DNAH11: variants seen among roughly 807,000 people sequenced by gnomAD.
DNAH11 encodes axonemal beta dynein heavy chain 11.
Under a neutral mutation model 526.0 loss-of-function variants are expected in DNAH11, and 442 were observed. The observed-to-expected ratio is 0.84, with a 90% CI of 0.78 to 0.91. DNAH11 has a LOEUF of 0.91. Ranked by LOEUF, DNAH11 falls within the 40% of genes least tolerant of loss-of-function variation. The probability of loss-of-function intolerance (pLI) is 0.00; values close to 1 mark genes in which losing one functional copy is unlikely to be tolerated. For synonymous variants in DNAH11, 2,461 were observed against 1,935.9 expected (o/e 1.27, Z -7.12); for missense variants, 6,989 against 5,448.7 (o/e 1.28, Z -8.90).
Position 21,868,865 on chromosome 7 carries a change from C to G in DNAH11, c.11841C>G (p.Gly3947=). The change falls in exon 73 of 82, where the codon GGC becomes GGG. Residue 3947 remains glycine (G), a splice_region_variant and synonymous_variant. Transcript: ENST00000409508. ...VDALKDLEIL[G]KRLGFTIDSG... ...TCACCGTGGTGTATTCTCCCACAGG[C>G]AAAAGACTTGGCTTTACAATTGACT... 1 of 1,613,952 alleles carries G rather than the reference C, an allele frequency of 6.2e-7. No individual in the cohort carries two copies. Among genetic ancestry groups the G allele is most frequent in the Non-Finnish European group, 8.5e-7 (1 of 1,179,860 alleles).
At chr7:21,761,549 T>A (rs986479122) in intron 54 of DNAH11, among the ~76,000 whole-genome samples, 2 of 152,198 alleles carry the variant, frequency 1.3e-5, no homozygotes, top group Admixed American at 1.3e-4. Flanking sequence ...ACTGTGGGTG[T>A]CAGAATCACC....
intron 35 of DNAH11, among the ~76,000 whole-genome samples, chr7:21,692,221 A>G (rs1783661477): frequency 2.0e-5 from 3 of 152,220 alleles, no homozygotes; most frequent in Admixed American, 2.0e-4. Context: ...ATACCAGGTG[A>G]TAGTAAAAAC....
intron 40 of DNAH11, among the ~76,000 whole-genome samples, chr7:21,709,546 A>G (rs1463625989): frequency 6.6e-6 from 1 of 152,192 alleles, no homozygotes; most frequent in East Asian, 1.9e-4. Context: ...CCATGCAACA[A>G]ACCTGCATGT....
intron 54 of DNAH11, among the ~76,000 whole-genome samples, chr7:21,757,490 G>T (rs554083207): frequency 3.3e-5 from 5 of 152,066 alleles, no homozygotes; most frequent in African/African-American, 1.2e-4. Context: ...TTTCCTTCCA[G>T]CCTTTTGAGA....
rs1227081919 is a variant in DNAH11 at position 21,683,816 on chromosome 7, T to G, written c.5493T>G (p.Ser1831=). 1 of 1,611,576 alleles carries G rather than the reference T, an allele frequency of 6.2e-7. No homozygotes were observed. Among genetic ancestry groups the G allele is most frequent in the Admixed American group, 1.7e-5 (1 of 59,806 alleles). ...VVSPQAFTWL[S]QLRHRWEDTQ... ...GTCCCCAAGCTTTTACATGGCTGTC[T>G]CAACTTCGTCACCGATGGGAGGATA... Residue 1831 remains serine, a synonymous_variant, in exon 32 of 82, where the codon TCT becomes TCG. Transcript: ENST00000409508.
Position 21,750,314 on chromosome 7 carries a change from A to G in DNAH11, c.8890A>G (p.Arg2964Gly). Residue 2964 changes from arginine (R) to glycine (G), a missense_variant, in exon 54 of 82, where the codon AGG becomes GGG. Physicochemically the swap from Arg to Gly is moderately radical, Grantham distance 125. Coordinates refer to ENST00000409508, the MANE Select transcript of DNAH11 (RefSeq NM_001277115.2). ...EVHALGMVDSRENCWKFFMAR... is the reference protein window; with the variant it reads ...EVHALGMVDSGENCWKFFMAR... ...TCATGCTCTGGGCATGGTAGACTCC[A>G]GGGAAAACTGTTGGAAATTCTTTAT... 1 of 1,605,868 alleles carries G rather than the reference A, an allele frequency of 6.2e-7. No homozygotes were observed. Among genetic ancestry groups the G allele is most frequent in the Non-Finnish European group, 8.5e-7 (1 of 1,176,022 alleles).
At chr7:21,773,684 AATG>A in intron 55 of DNAH11, 79 bp from the exon 56 acceptor site, 1 of 1,046,176 alleles carries the variant, frequency 9.6e-7, no homozygotes, top group Non-Finnish European at 1.3e-6. Flanking sequence ...TTAGAAAAAA[AATG>A]ATCATTTACT....
intron 46 of DNAH11, among the ~76,000 whole-genome samples, chr7:21,737,986 A>C (rs1785690814): frequency 6.6e-6 from 1 of 152,170 alleles, no homozygotes; most frequent in South Asian, 2.1e-4. Context: ...TCATTTAAAA[A>C]AAGTACTTAT....
At chr7:21,609,799 C>A (rs1195120858) in intron 20 of DNAH11, among the ~76,000 whole-genome samples, 8 of 152,064 alleles carry the variant, frequency 5.3e-5, no homozygotes, top group Non-Finnish European at 1.2e-4. Flanking sequence ...ATGGAAATAT[C>A]AGAAGTCTAG....
intron 8 of DNAH11, among the ~76,000 whole-genome samples, chr7:21,575,810 T>C (rs1318346167): frequency 6.6e-6 from 1 of 152,240 alleles, no homozygotes; most frequent in African/African-American, 2.4e-5. Flanking sequence ...TTTGCATTAA[T>C]AGCATTTATA....
intron 62 of DNAH11, among the ~76,000 whole-genome samples, chr7:21,805,905 A>AT (rs1328330839): frequency 1.3e-4 from 20 of 152,160 alleles, no homozygotes; most frequent in Non-Finnish European, 2.9e-4. Flanking sequence ...AAGACTGATG[A>AT]TTTTGTCTAT....
chr7:21,600,208 C>G (rs186184666), intron 15 of DNAH11, 89 bp downstream of exon 15: 25 of 1,176,840 alleles, frequency 2.1e-5, no homozygotes, highest in East Asian at 2.6e-5. Flanking sequence ...GCTGGGAATC[C>G]CAGAACTTTG....
At chr7:21,879,777 T>C (rs892244416) in intron 74 of DNAH11, among the ~76,000 whole-genome samples, 1 of 152,114 alleles carries the variant, frequency 6.6e-6, no homozygotes, top group Non-Finnish European at 1.5e-5. Context: ...TCATCATCAT[T>C]TCTAGCCATA....
Position 21,792,898 on chromosome 7 carries a change from T to C in DNAH11, c.10026+3556T>C, listed in dbSNP as rs551948144. ...TTTATTTATGCTCTGATTTTTCTTA[T>C]TTCCTTCTAAAAATTTTGGGTTTGA... On this transcript the variant is annotated intron_variant, in intron 61 of 81. Transcript: ENST00000409508. 4.6e-4 allele frequency among the ~76,000 whole-genome samples: 70 copies of C among 152,284 alleles called. 2 individuals are homozygous for C. The South Asian group carries it at 0.014, about 31-fold the overall frequency.
intron 62 of DNAH11, among the ~76,000 whole-genome samples, chr7:21,803,930 G>T (rs1263969154): frequency 1.3e-5 from 2 of 152,170 alleles, no homozygotes; most frequent in African/African-American, 4.8e-5. Context: ...AGTGGGGAAT[G>T]GGGCTGTCAT....
intron 61 of DNAH11, among the ~76,000 whole-genome samples, chr7:21,799,662 G>T (rs2038578016): frequency 6.6e-6 from 1 of 152,042 alleles, no homozygotes. Context: ...TCTAACTGGT[G>T]ATGTATAATA....
Position 21,710,580 on chromosome 7 carries a change from C to A in DNAH11, c.6711C>A (p.Leu2237=). The part of the protein sequence containing the change: ...GKIVYSYFIG[L]FSSILREQAN... ...TTGTTTACTCTTATTTTATAGGTCT[C>A]TTCTCATCCATTCTACGAGAACAAG... The change falls in exon 41 of 82, where the codon CTC becomes CTA. Residue 2237 remains leucine, a synonymous_variant. Transcript: ENST00000409508. The A allele has an allele frequency of 2.5e-6, 4 of 1,611,650 alleles. No individual in the cohort carries two copies. Among genetic ancestry groups the A allele is most frequent in the Non-Finnish European group, 3.4e-6 (4 of 1,178,236 alleles).
At chr7:21,727,202 G>T (rs1393484953) in intron 45 of DNAH11, among the ~76,000 whole-genome samples, 2 of 151,538 alleles carry the variant, frequency 1.3e-5, no homozygotes, top group African/African-American at 4.8e-5. Flanking sequence ...CAGAGTGCTG[G>T]GATTACAGGC....
intron 61 of DNAH11, among the ~76,000 whole-genome samples, chr7:21,790,116 G>A (rs887167233): frequency 2.6e-5 from 4 of 151,788 alleles, no homozygotes; most frequent in African/African-American, 9.7e-5. Flanking sequence ...TTCATATTAA[G>A]AATTTACCAT....
Sources: gnomAD v4.1 joint callset for allele counts (sites outside exome capture counted in the v4.1 genomes callset) on GRCh38, gnomAD v4.1.1 for gene constraint, MANE v1.5 for transcripts, NCBI Gene and HGNC (gene_info 2026-07-23, HGNC 2026-07-21) for gene names.